CSMD3: variants seen among roughly 807,000 people sequenced by gnomAD.
CSMD3 encodes CUB and sushi domain-containing protein 3.
CSMD3 carries 177 observed loss-of-function variants against 435.2 expected under a neutral mutation model. The observed-to-expected ratio is 0.41, with a 90% CI of 0.36 to 0.46. The LOEUF (loss-of-function observed/expected upper bound fraction) is 0.46. CSMD3 is among the 20% of genes least tolerant of loss of function. The pLI, the probability that CSMD3 is intolerant of heterozygous loss-of-function variation, is 0.34. For synonymous variants in CSMD3, 1,656 were observed against 1,520.5 expected (o/e 1.09, Z -2.07); for missense variants, 4,265 against 4,504.6 (o/e 0.95, Z 1.52).
chr8:112,843,567 T>C (rs1007262547), intron 11 of CSMD3, among the ~76,000 whole-genome samples: 5 of 151,942 alleles, frequency 3.3e-5, no homozygotes, highest in African/African-American at 4.8e-5. Flanking sequence ...GCCAAATCTA[T>C]TCACACAAGT....
At chr8:113,288,929 T>C (rs942613830) in intron 2 of CSMD3, among the ~76,000 whole-genome samples, 29 of 151,804 alleles carry the variant, frequency 1.9e-4, no homozygotes, top group Non-Finnish European at 1.5e-5. Context: ...GTTGCTGACA[T>C]ATGCTGAATA....
chr8:112,314,090 T>G (rs1188668422), intron 48 of CSMD3, 38 bp from the exon 49 acceptor site: 2 of 1,473,288 alleles, frequency 1.4e-6, no homozygotes, highest in Admixed American at 3.4e-5. Flanking sequence ...ATAAAGCTAA[T>G]TATATTCTCA....
At chr8:113,343,168 A>ATTAC (rs1186878909) in intron 1 of CSMD3, among the ~76,000 whole-genome samples, 3 of 151,694 alleles carry the variant, frequency 2.0e-5, no homozygotes, top group African/African-American at 7.2e-5. Flanking sequence ...CTTAGCAGAA[A>ATTAC]TTACTCTAAA....
intron 4 of CSMD3, among the ~76,000 whole-genome samples, chr8:113,137,354 T>C (rs990208230): frequency 6.6e-6 from 1 of 151,744 alleles, no homozygotes; most frequent in Non-Finnish European, 1.5e-5. Context: ...ATAAAGACTA[T>C]GTTATTGAAT....
At chr8:112,388,442 G>C (rs988635170) in intron 36 of CSMD3, among the ~76,000 whole-genome samples, 1 of 152,152 alleles carries the variant, frequency 6.6e-6, no homozygotes. Flanking sequence ...ATTTGTTTAA[G>C]AGATTTATGA....
At chr8:112,396,983 T>A (rs1428740565) in intron 35 of CSMD3, among the ~76,000 whole-genome samples, 1 of 152,140 alleles carries the variant, frequency 6.6e-6, no homozygotes, top group Non-Finnish European at 1.5e-5. Flanking sequence ...AGATGTTTTA[T>A]GCAGTTAACA....
intron 3 of CSMD3, among the ~76,000 whole-genome samples, chr8:113,266,936 C>T (rs1301806933): frequency 1.3e-5 from 2 of 151,310 alleles, no homozygotes; most frequent in Admixed American, 6.6e-5. Context: ...AAAACATGGG[C>T]AAAGGACACA....
At chr8:113,187,169 CTTT>C (rs2092517791) in intron 3 of CSMD3, among the ~76,000 whole-genome samples, 1 of 150,372 alleles carries the variant, frequency 6.7e-6, no homozygotes, top group Non-Finnish European at 1.5e-5. Context: ...TCTTCTTCTT[CTTT>C]TCCTTTTTCA....
At chr8:113,048,598 C>T (rs531736969) in intron 5 of CSMD3, among the ~76,000 whole-genome samples, 1 of 151,336 alleles carries the variant, frequency 6.6e-6, no homozygotes, top group African/African-American at 2.5e-5. Context: ...TGAATAATTA[C>T]ATACTTCTTA....
chr8:112,971,232 C>A (rs913721694), intron 7 of CSMD3, among the ~76,000 whole-genome samples: 2 of 152,152 alleles, frequency 1.3e-5, no homozygotes, highest in African/African-American at 4.8e-5. Context: ...CATGTACCTG[C>A]TATCCAGTAC....
chr8:112,235,794 T>C (rs16883286), intron 67 of CSMD3, among the ~76,000 whole-genome samples: 4,532 of 152,166 alleles, frequency 0.03, 235 homozygotes, highest in African/African-American at 0.1. Context: ...TAATCGATAA[T>C]ATTGCTGAAA....
At chr8:112,905,842 G>A (rs1346950573) in intron 10 of CSMD3, among the ~76,000 whole-genome samples, 4 of 151,382 alleles carry the variant, frequency 2.6e-5, no homozygotes, top group African/African-American at 9.7e-5. Context: ...AATGTGGCAA[G>A]CTGTATGGAC....
chr8:112,720,087 T>C (rs929535409), intron 13 of CSMD3, among the ~76,000 whole-genome samples: 90 of 152,298 alleles, frequency 5.9e-4, no homozygotes, highest in African/African-American at 2.0e-3. Context: ...TCAAGAGCAC[T>C]GATTTTTGAA....
At chr8:113,417,693 T>C (rs550959783) in intron 1 of CSMD3, among the ~76,000 whole-genome samples, 1 of 151,944 alleles carries the variant, frequency 6.6e-6, no homozygotes, top group Non-Finnish European at 1.5e-5. Context: ...GTAAGAGACC[T>C]GAAACAATGC....
intron 13 of CSMD3, among the ~76,000 whole-genome samples, chr8:112,758,767 T>G (rs1006962885): frequency 2.0e-5 from 3 of 152,188 alleles, no homozygotes; most frequent in Admixed American, 6.5e-5. Flanking sequence ...AAGGAGATAA[T>G]GCACATGAAG....
intron 32 of CSMD3, among the ~76,000 whole-genome samples, chr8:112,455,369 T>TA (rs1297969283): frequency 4.6e-5 from 7 of 151,724 alleles, no homozygotes; most frequent in Non-Finnish European, 8.8e-5. Flanking sequence ...TTCTCACTTG[T>TA]AAATTGGACC....
intron 38 of CSMD3, among the ~76,000 whole-genome samples, chr8:112,371,691 C>T (rs182073568): frequency 6.6e-6 from 1 of 152,134 alleles, no homozygotes; most frequent in East Asian, 1.9e-4. Context: ...AGTTCGAGAA[C>T]AGCCTGACCT....
chr8:112,522,496 AG>A (rs1008490651), intron 27 of CSMD3, among the ~76,000 whole-genome samples: 3 of 151,860 alleles, frequency 2.0e-5, no homozygotes, highest in African/African-American at 7.2e-5. Context: ...GCTATGCCCT[AG>A]GAAGAAATAA....
chr8:112,945,335 T>A (rs1357001298), intron 9 of CSMD3, among the ~76,000 whole-genome samples: 2 of 151,790 alleles, frequency 1.3e-5, no homozygotes, highest in Non-Finnish European at 2.9e-5. Flanking sequence ...ATTTAAGTTT[T>A]CTTCAATCAC....
Sources: allele counts gnomAD v4.1 joint callset (sites outside exome capture counted in the v4.1 genomes callset), GRCh38; gene constraint gnomAD v4.1.1; transcripts MANE v1.5; gene names NCBI Gene and HGNC (gene_info 2026-07-23, HGNC 2026-07-21).